EML1: variants seen among roughly 807,000 people sequenced by gnomAD.
EML1 encodes echinoderm microtubule-associated protein-like 1.
EML1 carries 27 observed loss-of-function variants against 110.4 expected under a neutral mutation model. That is an observed-to-expected ratio of 0.24 (90% CI 0.18 to 0.34). The LOEUF (loss-of-function observed/expected upper bound fraction) is 0.34. Among genes scored for constraint, EML1 ranks in the 10% least tolerant of loss-of-function variants. EML1 has a pLI of 1.00. For synonymous variants in EML1, 344 were observed against 385.8 expected (o/e 0.89, Z 1.27); for missense variants, 741 against 1,030.9 (o/e 0.72, Z 3.85).
intron 1 of EML1, among the ~76,000 whole-genome samples, chr14:99,810,433 G>A (rs1168954377): frequency 6.6e-6 from 1 of 152,148 alleles, no homozygotes; most frequent in South Asian, 2.1e-4. Flanking sequence ...GTTTCATTTC[G>A]TCCTCGCAAC....
intron 3 of EML1, among the ~76,000 whole-genome samples, chr14:99,866,380 G>A (rs895222690): frequency 1.3e-5 from 2 of 152,086 alleles, no homozygotes; most frequent in Admixed American, 6.5e-5. Flanking sequence ...AGACCAGCCT[G>A]ACCAACAGGC....
intron 1 of EML1, among the ~76,000 whole-genome samples, chr14:99,754,862 G>T (rs2057229131): frequency 6.6e-6 from 1 of 152,164 alleles, no homozygotes; most frequent in Admixed American, 6.5e-5. Flanking sequence ...GGGCTCAGAG[G>T]AGCTGTTGCC....
chr14:99,739,532 T>G (rs1348142996), intron 1 of EML1, among the ~76,000 whole-genome samples: 4 of 152,192 alleles, frequency 2.6e-5, no homozygotes, highest in African/African-American at 9.6e-5. Flanking sequence ...GTCAGCCCAG[T>G]TGGGTTGGGA....
Position 99,914,670 on chromosome 14 carries a change from CCGTCCCGTCT to C in EML1, c.1726_1735del (p.Arg576GlyfsTer4). 6.2e-7 allele frequency: 1 copy of C among 1,609,308 alleles called. No individual in the cohort carries two copies. The highest frequency in any genetic ancestry group is 8.5e-7 in the Non-Finnish European group (1 of 1,179,128). On this transcript the variant is annotated frameshift_variant, in exon 15 of 22. Transcript: ENST00000262233. LOFTEE classifies it high-confidence loss of function. ...CCACTCTCTGGGACGCTGTGGGTCACCGTCCCGTCTGGGACAAAATAATAGAGGTAAACAT... is the reference window on the plus strand; with the variant it reads ...CCACTCTCTGGGACGCTGTGGGTCACGGGACAAAATAATAGAGGTAAACAT...
chr14:99,741,947 G>A (rs2057047930), intron 1 of EML1, among the ~76,000 whole-genome samples: 1 of 152,162 alleles, frequency 6.6e-6, no homozygotes, highest in Non-Finnish European at 1.5e-5. Context: ...CTGCTCGTAG[G>A]AGTCCCGAGC....
At chr14:99,882,271 AT>A (rs1398340884) in intron 4 of EML1, among the ~76,000 whole-genome samples, 1 of 152,168 alleles carries the variant, frequency 6.6e-6, no homozygotes, top group Admixed American at 6.5e-5. Flanking sequence ...TGATGGAGAT[AT>A]TTTTCAATTA....
At chr14:99,811,181 T>G (rs1315094559) in intron 1 of EML1, among the ~76,000 whole-genome samples, 1 of 147,790 alleles carries the variant, frequency 6.8e-6, no homozygotes, top group African/African-American at 2.4e-5. Flanking sequence ...TTTTTTGTTT[T>G]TTTGGGTTTT....
At chr14:99,794,334 C>T (rs10129805) in intron 1 of EML1, among the ~76,000 whole-genome samples, 24,888 of 151,184 alleles carry the variant, frequency 0.16, 2,889 homozygotes, top group African/African-American at 0.32. Context: ...CAAAAGTTAA[C>T]CACACTTTTT....
intron 17 of EML1, among the ~76,000 whole-genome samples, chr14:99,927,589 G>C (rs1349524772): frequency 6.6e-6 from 1 of 151,962 alleles, no homozygotes; most frequent in Non-Finnish European, 1.5e-5. Flanking sequence ...TCATTTATTA[G>C]ATATAGTACT....
At chr14:99,929,399 GT>G (rs1170333028) in intron 17 of EML1, among the ~76,000 whole-genome samples, 1 of 152,218 alleles carries the variant, frequency 6.6e-6, no homozygotes, top group Admixed American at 6.5e-5. Flanking sequence ...AACAGCAGCA[GT>G]GATGGCCCCT....
chr14:99,882,649 TAAAAAAAAAAAAA>T (rs199622855), intron 4 of EML1, among the ~76,000 whole-genome samples: 1 of 127,766 alleles, frequency 7.8e-6, no homozygotes, highest in South Asian at 2.4e-4. Context: ...GCTGATGAGC[TAAAAAAAAAAAAA>T]AAAAAAAAAA....
chr14:99,862,292 A>G (rs1351420632), intron 2 of EML1, among the ~76,000 whole-genome samples: 1 of 152,182 alleles, frequency 6.6e-6, no homozygotes, highest in African/African-American at 2.4e-5. Context: ...ATGGCTCATC[A>G]CTGTGGTTGT....
At chr14:99,933,867 G>T (rs985638661) in intron 17 of EML1, among the ~76,000 whole-genome samples, 38 of 152,182 alleles carry the variant, frequency 2.5e-4, no homozygotes, top group Non-Finnish European at 4.9e-4. Flanking sequence ...GGCCAAGGCG[G>T]GTGGATCACC....
chr14:99,846,774 T>A (rs1049965592), intron 1 of EML1, among the ~76,000 whole-genome samples: 1 of 152,212 alleles, frequency 6.6e-6, no homozygotes, highest in Non-Finnish European at 1.5e-5. Context: ...GAGTGAATCA[T>A]CTTTTATCCC....
At chr14:99,846,855 T>C (rs2058715104) in intron 1 of EML1, among the ~76,000 whole-genome samples, 1 of 152,178 alleles carries the variant, frequency 6.6e-6, no homozygotes, top group Non-Finnish European at 1.5e-5. Flanking sequence ...TTACCAAATA[T>C]TTATTGAGTT....
intron 1 of EML1, among the ~76,000 whole-genome samples, chr14:99,786,855 AG>A (rs1339267747): frequency 2.0e-5 from 3 of 152,220 alleles, no homozygotes; most frequent in Non-Finnish European, 2.9e-5. Context: ...GTAATGAAGC[AG>A]GGCTGGGTAA....
At chr14:99,875,306 T>A (rs112540081) in intron 3 of EML1, among the ~76,000 whole-genome samples, 44 of 152,318 alleles carry the variant, frequency 2.9e-4, no homozygotes, top group African/African-American at 9.1e-4. Context: ...AATTCGGTTC[T>A]TCATCTGTAA....
Position 99,887,427 on chromosome 14 carries a change from G to T in EML1, c.519-3772G>T, listed in dbSNP as rs186828728. 3.8e-4 allele frequency among the ~76,000 whole-genome samples: 58 copies of T among 152,254 alleles called. No homozygotes were observed. The East Asian group carries it at 0.01, about 27-fold the overall frequency. On this transcript the variant is annotated intron_variant, in intron 4 of 21. Coordinates refer to ENST00000262233, the MANE Select transcript of EML1 (RefSeq NM_004434.3). ...CTTAGTTCTGTCATGGGCTTCAGGG[G>T]CAGGTGCAGGACATCTTGATTGACT...
At chr14:99,770,834 G>T (rs1420406280), upstream of EML1, among the ~76,000 whole-genome samples, 1 of 130,068 alleles carries the variant, frequency 7.7e-6, no homozygotes. Context: ...GTCCAGGCTG[G>T]AGTGCAGTGG....
Sources: gnomAD v4.1 joint callset for allele counts (sites outside exome capture counted in the v4.1 genomes callset) on GRCh38, gnomAD v4.1.1 for gene constraint, MANE v1.5 for transcripts, NCBI Gene and HGNC (gene_info 2026-07-23, HGNC 2026-07-21) for gene names.